ERC1: variants seen among roughly 807,000 people sequenced by gnomAD.
The protein encoded by ERC1 is RAB6 interacting protein 2.
A neutral mutation model predicts 132.0 loss-of-function variants in ERC1; 56 were observed. The observed-to-expected ratio is 0.42, with a 90% CI of 0.34 to 0.53. The LOEUF is 0.53. Among genes scored for constraint, ERC1 ranks in the 20% least tolerant of loss-of-function variants. The pLI is 0.03. For missense variants in ERC1, 1,202 were observed against 1,349.9 expected, an observed-to-expected ratio of 0.89 and a Z score of 1.72; for synonymous variants, 478 against 476.1, an observed-to-expected ratio of 1.00 and a Z score of -0.05.
At chr12:1,150,686 A>G (rs1950754068) in intron 8 of ERC1, among the ~76,000 whole-genome samples, 1 of 152,212 alleles carries the variant, frequency 6.6e-6, no homozygotes, top group Admixed American at 6.5e-5. Context: ...CTCTTCCCCA[A>G]AATGCACAAC....
intron 16 of ERC1, among the ~76,000 whole-genome samples, chr12:1,377,309 T>A (rs1202543616): frequency 6.6e-6 from 1 of 152,236 alleles, no homozygotes; most frequent in Non-Finnish European, 1.5e-5. Context: ...TAAAGCTGAG[T>A]ACTTTGACAT....
chr12:1,346,948 C>CAA (rs58842053), intron 15 of ERC1, among the ~76,000 whole-genome samples: 5 of 106,068 alleles, frequency 4.7e-5, no homozygotes, highest in African/African-American at 7.8e-5. Flanking sequence ...GACTCCGTCT[C>CAA]AAAAAAAAAA....
At chr12:1,067,907 TATTTC>T (rs1177313262) in intron 2 of ERC1, among the ~76,000 whole-genome samples, 1 of 150,564 alleles carries the variant, frequency 6.6e-6, no homozygotes, top group Non-Finnish European at 1.5e-5. Context: ...AATTTTACTG[TATTTC>T]ATTTTAGCCA....
At chr12:1,099,239 AAGAAGGAGAGAT>A (rs1436172175) in intron 3 of ERC1, among the ~76,000 whole-genome samples, 1 of 152,100 alleles carries the variant, frequency 6.6e-6, no homozygotes, top group Non-Finnish European at 1.5e-5. Context: ...GAGGGAGAGG[AAGAAGGAGAGAT>A]AGCAGGTGTG....
intron 14 of ERC1, among the ~76,000 whole-genome samples, chr12:1,286,307 A>AAG (rs1555344967): frequency 3.3e-5 from 5 of 151,606 alleles, no homozygotes; most frequent in Non-Finnish European, 5.9e-5. Context: ...AAAAAAAAAA[A>AAG]AAAAGAAAAC....
intron 18 of ERC1, among the ~76,000 whole-genome samples, chr12:1,461,196 A>C (rs2093638469): frequency 1.3e-5 from 2 of 152,080 alleles, no homozygotes; most frequent in South Asian, 4.1e-4. Flanking sequence ...CATACTTGTC[A>C]ATATTGTACC....
chr12:1,179,664 C>T (rs75720141), intron 8 of ERC1, among the ~76,000 whole-genome samples: 11,756 of 139,532 alleles, frequency 0.084, 562 homozygotes, highest in Non-Finnish European at 0.13. Context: ...CCCGCCACTA[C>T]GCCCGGCTAA....
intron 14 of ERC1, among the ~76,000 whole-genome samples, chr12:1,277,925 T>A (rs1273449517): frequency 2.6e-5 from 4 of 152,238 alleles, no homozygotes; most frequent in Non-Finnish European, 5.9e-5. Flanking sequence ...TGTAATCAGT[T>A]CAGTCTTTCA....
rs189164555 is a variant in ERC1, at chr12:1,264,885, C to T, written c.2619+1720C>T. Among the ~76,000 whole-genome samples the T allele has an allele frequency of 2.6e-3, 397 of 152,162 alleles. 6 individuals carry two copies. Among genetic ancestry groups the T allele is most frequent in the Non-Finnish European group, 8.5e-4 (58 of 68,006 alleles). On this transcript the variant is annotated intron_variant, in intron 14 of 18. Transcript: ENST00000360905. ...GCTATAGTAAAGAAGGGTATGTTTC[C>T]AAGGCAGACATAGTATGTGCCCCAG...
intron 12 of ERC1, among the ~76,000 whole-genome samples, chr12:1,193,075 A>T (rs1955888366): frequency 6.6e-6 from 1 of 152,190 alleles, no homozygotes; most frequent in South Asian, 2.1e-4. Context: ...GAAAATCCTT[A>T]GTATTCTTTG....
intron 15 of ERC1, among the ~76,000 whole-genome samples, chr12:1,368,160 T>C (rs7978898): frequency 0.52 from 79,040 of 151,720 alleles, 23,783 homozygotes; most frequent in African/African-American, 0.84. Context: ...CCCCTTTCTG[T>C]GGATAGTCTT....
intron 7 of ERC1, among the ~76,000 whole-genome samples, chr12:1,123,675 G>A (rs1251840158): frequency 6.6e-6 from 1 of 152,142 alleles, no homozygotes; most frequent in Non-Finnish European, 1.5e-5. Flanking sequence ...CGTGCCGATC[G>A]ATGCACCTAA....
intron 2 of ERC1, among the ~76,000 whole-genome samples, chr12:1,035,281 G>A (rs1475918523): frequency 1.3e-5 from 2 of 152,154 alleles, no homozygotes; most frequent in South Asian, 2.1e-4. Context: ...TTGAGACTGG[G>A]GATTTAGGTC....
At chr12:1,024,192 G>T (rs1966761473) in intron 1 of ERC1, among the ~76,000 whole-genome samples, 1 of 152,116 alleles carries the variant, frequency 6.6e-6, no homozygotes, top group Admixed American at 6.5e-5. Context: ...ACCAGACTGG[G>T]CAACATGGTG....
intron 12 of ERC1, among the ~76,000 whole-genome samples, chr12:1,212,702 G>C (rs139003492): frequency 5.3e-4 from 80 of 152,270 alleles, no homozygotes; most frequent in African/African-American, 1.9e-3. Flanking sequence ...TTCCTTGCTA[G>C]AGTGCTTCCC....
At chr12:1,144,614 G>GTGTATATATATATATATATATATATA (rs1555268149) in intron 8 of ERC1, among the ~76,000 whole-genome samples, 1 of 132,300 alleles carries the variant, frequency 7.6e-6, no homozygotes, top group African/African-American at 3.1e-5. Context: ...GAATTTTGTG[G>GTGTATATATATATATATATATATATA]TATATATATA....
At chr12:1,391,662 G>C (rs979150939) in intron 16 of ERC1, among the ~76,000 whole-genome samples, 7 of 152,198 alleles carry the variant, frequency 4.6e-5, no homozygotes, top group Non-Finnish European at 1.0e-4. Flanking sequence ...CTCACAACCT[G>C]GTGAGCATGG....
chr12:1,455,512 C>G lies in ERC1; in HGVS notation c.3213+10762C>G, dbSNP rs1035147453. Among the ~76,000 whole-genome samples, 7 of 152,276 alleles carry G rather than the reference C, an allele frequency of 4.6e-5. No homozygotes were observed. The South Asian group carries it at 6.2e-4, about 14-fold the overall frequency. ...TTCCAGGTCCAGGGGTTCTGCACTG[C>G]GCTTAGAATTTCTCCTCATGTATAA... On this transcript the variant is annotated intron_variant, in intron 18 of 18. Coordinates refer to ENST00000360905, the MANE Select transcript of ERC1 (RefSeq NM_178040.4).
chr12:1,175,661 G>T (rs1218241692), intron 8 of ERC1, among the ~76,000 whole-genome samples: 1 of 151,842 alleles, frequency 6.6e-6, no homozygotes, highest in Admixed American at 6.6e-5. Context: ...AGCCTCCCGA[G>T]TAGCTGGGGT....
Sources: gnomAD v4.1 joint callset for allele counts (sites outside exome capture counted in the v4.1 genomes callset) on GRCh38, gnomAD v4.1.1 for gene constraint, MANE v1.5 for transcripts, NCBI Gene and HGNC (gene_info 2026-07-23, HGNC 2026-07-21) for gene names.